ADAMTS18: variants seen among roughly 807,000 people sequenced by gnomAD.
ADAMTS18 encodes A disintegrin and metalloproteinase with thrombospondin motifs 18.
Under a neutral mutation model 165.9 loss-of-function variants are expected in ADAMTS18, and 157 were observed. The ratio of observed to expected loss-of-function variants is 0.95; its 90% CI spans 0.83 to 1.08. The LOEUF (loss-of-function observed/expected upper bound fraction) is 1.08. Among genes scored for constraint, ADAMTS18 ranks in the 50% least tolerant of loss-of-function variants. The pLI is 0.00. For synonymous variants in ADAMTS18, 782 were observed against 578.2 expected, an observed-to-expected ratio of 1.35 and a Z score of -5.06; for missense variants, 2,040 against 1,534.0, an observed-to-expected ratio of 1.33 and a Z score of -5.51.
intron 10 of ADAMTS18, among the ~76,000 whole-genome samples, chr16:77,344,561 C>A (rs2056447722): frequency 6.6e-6 from 1 of 152,100 alleles, no homozygotes; most frequent in Admixed American, 6.6e-5. Flanking sequence ...GCTTTCAGAA[C>A]TAAATTGTTT....
At chr16:77,386,238 G>T (rs1432617750) in intron 3 of ADAMTS18, among the ~76,000 whole-genome samples, 2 of 152,162 alleles carry the variant, frequency 1.3e-5, no homozygotes, top group African/African-American at 4.8e-5. Flanking sequence ...CAGTTAAGGG[G>T]CTCAGAGCTC....
intron 16 of ADAMTS18, among the ~76,000 whole-genome samples, chr16:77,315,821 A>G (rs1411421295): frequency 6.6e-6 from 1 of 152,210 alleles, no homozygotes; most frequent in Non-Finnish European, 1.5e-5. Context: ...ACTGATTTGC[A>G]TATTCATTCC....
At chr16:77,288,399 A>ATTT (rs72443461) in intron 22 of ADAMTS18, among the ~76,000 whole-genome samples, 11,510 of 149,650 alleles carry the variant, frequency 0.077, 594 homozygotes, top group Middle Eastern at 0.18. Flanking sequence ...CTACAGAGCT[A>ATTT]TTTTTTTTTT....
chr16:77,374,443 A>G (rs1341910253), intron 3 of ADAMTS18, among the ~76,000 whole-genome samples: 1 of 152,182 alleles, frequency 6.6e-6, no homozygotes, highest in East Asian at 1.9e-4. Flanking sequence ...CCCAGCAGGA[A>G]GCACAGGCAG....
At chr16:77,430,134 G>A (rs915470072) in intron 3 of ADAMTS18, among the ~76,000 whole-genome samples, 2 of 150,008 alleles carry the variant, frequency 1.3e-5, no homozygotes, top group African/African-American at 4.9e-5. Flanking sequence ...TAAAGAGAAG[G>A]AGATGTGCCA....
At chr16:77,357,052 T>G (rs2056642244) in intron 8 of ADAMTS18, among the ~76,000 whole-genome samples, 1 of 151,650 alleles carries the variant, frequency 6.6e-6, no homozygotes, top group South Asian at 2.1e-4. Flanking sequence ...ATTTCATCAT[T>G]AATTTAAATT....
chr16:77,305,597 G>A (rs1053190959), intron 16 of ADAMTS18, among the ~76,000 whole-genome samples: 4 of 152,090 alleles, frequency 2.6e-5, no homozygotes, highest in African/African-American at 7.2e-5. Flanking sequence ...TTTCTCACCT[G>A]GATCAGTTTT....
At chr16:77,402,549 G>A (rs1243181019) in intron 3 of ADAMTS18, among the ~76,000 whole-genome samples, 1 of 152,192 alleles carries the variant, frequency 6.6e-6, no homozygotes, top group East Asian at 1.9e-4. Flanking sequence ...CACTAATGGG[G>A]ATTTCAACTC....
intron 16 of ADAMTS18, among the ~76,000 whole-genome samples, chr16:77,314,776 A>ATG (rs2055854886): frequency 1.2e-5 from 1 of 86,238 alleles, no homozygotes; most frequent in Non-Finnish European, 2.4e-5. Context: ...ATATATATAT[A>ATG]TATATATATA....
rs138769441 is a variant in ADAMTS18, at chr16:77,322,062, G to A, written c.2163+274C>T. On this transcript the variant is annotated intron_variant, in intron 14 of 22. Transcript: ENST00000282849. The stretch of plus-strand genomic sequence containing the variant: ...CCCAGCTACTCAGGAGGCTGAGGCA[G>A]GAGAATCACTTGAACCCAGGAGGCA... Among the ~76,000 whole-genome samples the A allele has an allele frequency of 7.2e-3, 1,076 of 149,496 alleles. 15 individuals carry two copies. The highest frequency in any genetic ancestry group is 0.026 in the African/African-American group (1,033 of 40,322).
At chr16:77,429,524 A>T (rs1354993116) in intron 3 of ADAMTS18, among the ~76,000 whole-genome samples, 1 of 152,190 alleles carries the variant, frequency 6.6e-6, no homozygotes, top group Non-Finnish European at 1.5e-5. Flanking sequence ...TCTGTACAAC[A>T]AACCCTTGTG....
chr16:77,336,437 T>C (rs2056312041), intron 11 of ADAMTS18, among the ~76,000 whole-genome samples: 1 of 152,184 alleles, frequency 6.6e-6, no homozygotes, highest in Non-Finnish European at 1.5e-5. Flanking sequence ...ACACATACAT[T>C]ATATTTTTGC....
At chr16:77,318,898 C>G (rs944857153) in intron 16 of ADAMTS18, among the ~76,000 whole-genome samples, 1 of 152,104 alleles carries the variant, frequency 6.6e-6, no homozygotes, top group Non-Finnish European at 1.5e-5. Flanking sequence ...TCTATACAAA[C>G]TGAAGCAAAT....
chr16:77,351,577 G>C (rs2144709359), intron 10 of ADAMTS18, among the ~76,000 whole-genome samples: 1 of 152,276 alleles, frequency 6.6e-6, no homozygotes, highest in East Asian at 1.9e-4. Context: ...TGCATAGTAT[G>C]TAATAAATTT....
chr16:77,380,566 T>G (rs13335288), intron 3 of ADAMTS18, among the ~76,000 whole-genome samples: 3,609 of 152,296 alleles, frequency 0.024, 135 homozygotes, highest in African/African-American at 0.083. Flanking sequence ...AGCAAAATGG[T>G]TGATATTCTT....
intron 3 of ADAMTS18, among the ~76,000 whole-genome samples, chr16:77,376,742 GA>G (rs1488939655): frequency 1.3e-5 from 2 of 148,398 alleles, no homozygotes; most frequent in Non-Finnish European, 3.0e-5. Context: ...TTTAAAATGA[GA>G]AAAAAACAAG....
chr16:77,344,669 G>C (rs2144694395), intron 10 of ADAMTS18, among the ~76,000 whole-genome samples: 1 of 152,152 alleles, frequency 6.6e-6, no homozygotes, highest in South Asian at 2.1e-4. Flanking sequence ...AGGAGGGCTA[G>C]CTGTCGTAGC....
At chr16:77,398,468 A>G (rs959287620) in intron 3 of ADAMTS18, among the ~76,000 whole-genome samples, 3 of 152,208 alleles carry the variant, frequency 2.0e-5, no homozygotes, top group African/African-American at 4.8e-5. Flanking sequence ...CAAAGCTGCC[A>G]GACACTTCAG....
At chr16:77,348,725 C>T (rs1462537189) in intron 10 of ADAMTS18, among the ~76,000 whole-genome samples, 3 of 152,084 alleles carry the variant, frequency 2.0e-5, no homozygotes, top group Non-Finnish European at 2.9e-5. Context: ...ATACTCTCTA[C>T]CAATAGAGGC....
Sources: gnomAD v4.1 joint callset for allele counts (sites outside exome capture counted in the v4.1 genomes callset) on GRCh38, gnomAD v4.1.1 for gene constraint, MANE v1.5 for transcripts, NCBI Gene and HGNC (gene_info 2026-07-23, HGNC 2026-07-21) for gene names.